DNAH9: variants seen among roughly 807,000 people sequenced by gnomAD.
DNAH9 encodes dynein axonemal heavy chain 9, also known as DNAH9 variant protein.
In DNAH9, 345 loss-of-function variants were observed where a neutral mutation model predicts 471.6. The observed-to-expected ratio is 0.73, with a 90% CI of 0.67 to 0.80. The LOEUF (loss-of-function observed/expected upper bound fraction) is 0.80. Ranked by LOEUF, DNAH9 falls within the 30% of genes least tolerant of loss-of-function variation. DNAH9 has a pLI of 0.00. For synonymous variants in DNAH9, 2,093 were observed against 2,123.6 expected (o/e 0.99, Z 0.40); for missense variants, 5,407 against 5,609.2 (o/e 0.96, Z 1.15).
Position 11,669,079 on chromosome 17 carries a change from T to C in DNAH9, c.2747T>C (p.Leu916Pro). ...TGTTTTTCAGAGTGTAAGGCAGGAC[T>C]TACCCCAATATTTGAAGCACAACTG... ...LLENTECKAG[L>P]TPIFEAQLSL... The change falls in exon 16 of 69, where the codon CTT becomes CCT. Residue 916 changes from leucine to proline, a missense_variant. Coordinates refer to ENST00000262442, the MANE Select transcript of DNAH9 (RefSeq NM_001372.4). 1 of 1,612,864 alleles carries C rather than the reference T, an allele frequency of 6.2e-7. No individual in the cohort carries two copies.
At chr17:11,896,818 C>T (rs1973232568) in intron 59 of DNAH9, among the ~76,000 whole-genome samples, 1 of 152,172 alleles carries the variant, frequency 6.6e-6, no homozygotes, top group African/African-American at 2.4e-5. Context: ...TGACTGGGCA[C>T]GGTGGCTCAC....
chr17:11,655,491 G>T (rs553280859), intron 14 of DNAH9, among the ~76,000 whole-genome samples: 3 of 151,988 alleles, frequency 2.0e-5, no homozygotes, highest in Admixed American at 6.6e-5. Context: ...ATTATCAAAA[G>T]GCAAACATTA....
At chr17:11,711,284 G>T (rs931391612) in intron 26 of DNAH9, among the ~76,000 whole-genome samples, 1 of 152,140 alleles carries the variant, frequency 6.6e-6, no homozygotes, top group African/African-American at 2.4e-5. Context: ...CTGTGGAGGA[G>T]AGATGGCTCT....
At chr17:11,893,368 C>T (rs771199516) in intron 58 of DNAH9, among the ~76,000 whole-genome samples, 8 of 152,198 alleles carry the variant, frequency 5.3e-5, no homozygotes, top group South Asian at 2.1e-4. Context: ...TTCTCCAAGA[C>T]GCAATCCAAA....
At chr17:11,671,732 C>A (rs2073975771) in intron 17 of DNAH9, among the ~76,000 whole-genome samples, 1 of 152,212 alleles carries the variant, frequency 6.6e-6, no homozygotes, top group Non-Finnish European at 1.5e-5. Context: ...GTTTCTAAGA[C>A]CCCGATGTGA....
intron 50 of DNAH9, among the ~76,000 whole-genome samples, chr17:11,857,830 G>T (rs751092113): frequency 6.6e-6 from 1 of 151,986 alleles, no homozygotes; most frequent in African/African-American, 2.4e-5. Context: ...CCTGCCCCCC[G>T]CAACTCCCTC....
chr17:11,715,833 A>G (rs1431503516), intron 26 of DNAH9, among the ~76,000 whole-genome samples: 1 of 152,058 alleles, frequency 6.6e-6, no homozygotes, highest in Non-Finnish European at 1.5e-5. Flanking sequence ...CAAGTTTCGA[A>G]CTCATTTTGT....
chr17:11,716,082 C>CTTTTT (rs61643065), intron 26 of DNAH9, among the ~76,000 whole-genome samples: 2 of 132,470 alleles, frequency 1.5e-5, no homozygotes, highest in African/African-American at 6.1e-5. Context: ...TTTTCTTTCT[C>CTTTTT]TTTTTTTTTT....
chr17:11,926,033 C>G (rs28464528), intron 62 of DNAH9, among the ~76,000 whole-genome samples: 2 of 43,868 alleles, frequency 4.6e-5, no homozygotes, highest in Admixed American at 1.0e-3. Flanking sequence ...GAGAGATTCT[C>G]TGAAAAAAAA....
At chr17:11,611,540 G>A (rs2072636629) in intron 3 of DNAH9, 110 bp from the exon 4 acceptor site, 1 of 1,134,250 alleles carries the variant, frequency 8.8e-7, no homozygotes, top group Admixed American at 2.0e-5. Flanking sequence ...AGCCTCTGTG[G>A]AAGCACCCCG....
At chr17:11,926,037 A>G (rs372741472) in intron 62 of DNAH9, among the ~76,000 whole-genome samples, 782 of 35,878 alleles carry the variant, frequency 0.022, 35 homozygotes, top group Middle Eastern at 0.074. Flanking sequence ...GATTCTCTGA[A>G]AAAAAAAAAA....
At chr17:11,757,767 C>A in intron 35 of DNAH9, 75 bp downstream of exon 35, 3 of 1,486,012 alleles carry the variant, frequency 2.0e-6, no homozygotes, top group Admixed American at 1.9e-5. Context: ...TAGTGTCCTG[C>A]TGATGTTCTG....
rs1197080443 is a variant in DNAH9 at position 11,690,271 on chromosome 17, G to C, written c.4449G>C (p.Val1483=). ...EDNQVQLQNL[V]MSKYVAFFLE... ...ATCAAGTTCAACTTCAGAACCTGGT[G>C]ATGTCCAAGTATGTTGCTTTCTTCT... The change falls in exon 20 of 69, where the codon GTG becomes GTC. Residue 1483 remains valine, a synonymous_variant. Coordinates refer to ENST00000262442, the MANE Select transcript of DNAH9 (RefSeq NM_001372.4). The C allele has an allele frequency of 7.4e-6, 12 of 1,614,088 alleles. No individual in the cohort carries two copies. The highest frequency in any genetic ancestry group is 1.0e-5 in the Non-Finnish European group (12 of 1,180,060).
chr17:11,741,526 G>A (rs747846017), intron 29 of DNAH9, among the ~76,000 whole-genome samples: 3 of 149,840 alleles, frequency 2.0e-5, no homozygotes, highest in Admixed American at 1.3e-4. Context: ...ATACACCCTA[G>A]GTGTCTAGGC....
Position 11,629,523 on chromosome 17 carries a change from T to G in DNAH9, c.1457T>G (p.Phe486Cys), listed in dbSNP as rs369047155. 8.0e-5 allele frequency: 129 copies of G among 1,614,110 alleles called. No individual in the cohort carries two copies. In the African/African-American group the frequency reaches 1.5e-3, roughly 18 times the overall value. ...SQQVQQMHEE[F>C]QEMYRLLSGS... is the part of the protein sequence containing the mutation. ...CAGGTCCAGCAAATGCATGAAGAATTTCAAGAGATGTACAGGCTTCTCTCA... is the reference window on the plus strand; with the variant it reads ...CAGGTCCAGCAAATGCATGAAGAATGTCAAGAGATGTACAGGCTTCTCTCA... Residue 486 changes from phenylalanine (F) to cysteine (C), a missense_variant, in exon 7 of 69, where the codon TTT becomes TGT. This residue lies in a region of DNAH9 where 767 missense variants were observed against 692.5 expected (regional missense o/e 1.11). Coordinates refer to ENST00000262442, the MANE Select transcript of DNAH9 (RefSeq NM_001372.4).
In DNAH9 at chr17:11,617,624, T is replaced by G; in HGVS notation, c.1116+2T>G. 6.2e-7 allele frequency: 1 copy of G among 1,612,660 alleles called. No individual in the cohort carries two copies. The highest frequency in any genetic ancestry group is 8.5e-7 in the Non-Finnish European group (1 of 1,179,126). ...ATTTGCAACCTTCTCATCCAGCAGG[T>G]GGGCTGCCCTGGGATGCCCAGCAAC... On this transcript the variant is annotated splice_donor_variant, in intron 5 of 68. Coordinates refer to ENST00000262442, the MANE Select transcript of DNAH9 (RefSeq NM_001372.4). LOFTEE classifies it high-confidence loss of function.
intron 48 of DNAH9, among the ~76,000 whole-genome samples, chr17:11,823,343 G>C (rs553393644): frequency 6.6e-6 from 1 of 152,056 alleles, no homozygotes; most frequent in African/African-American, 2.4e-5. Flanking sequence ...GCTCAGGTCT[G>C]ATCCATCCGC....
rs1044932186 is a variant in DNAH9, at chr17:11,719,582, C to A, written c.5709+92C>A. 3.4e-6 allele frequency: 4 copies of A among 1,189,626 alleles called. No individual in the cohort carries two copies. In the African/African-American group the frequency reaches 6.1e-5, roughly 18 times the overall value. The allele number at this position is 1,189,626 out of a possible 1,614,324, so 73.7% of individuals were successfully genotyped here. A position where few individuals can be genotyped will look rare whatever the true frequency, so the allele number is the denominator to read the frequency against. ...CTAAGACGCATCCGTGCCACCCTGA[C>A]CCAGCTTCCCCAGGTCTCGGAGCCC... On this transcript the variant is annotated intron_variant, in intron 27 of 68. Transcript: ENST00000262442.
chr17:11,628,834 A>G (rs1327531726), intron 6 of DNAH9, among the ~76,000 whole-genome samples: 1 of 152,200 alleles, frequency 6.6e-6, no homozygotes, highest in Non-Finnish European at 1.5e-5. Context: ...CCACAAAGAC[A>G]TAGAGAGGTG....
Sources: gnomAD v4.1 joint callset for allele counts (sites outside exome capture counted in the v4.1 genomes callset) on GRCh38, gnomAD v4.1.1 for gene constraint, gnomAD v4.1.1 regional missense constraint, MANE v1.5 for transcripts, NCBI Gene and HGNC (gene_info 2026-07-23, HGNC 2026-07-21) for gene names.